CASKIN2: variants seen among roughly 807,000 people sequenced by gnomAD.
CASKIN2 encodes the protein caskin-2.
In CASKIN2, 41 loss-of-function variants were observed where a neutral mutation model predicts 107.1. That is an observed-to-expected ratio of 0.38 (90% CI 0.30 to 0.50). CASKIN2 has a LOEUF of 0.50. Among genes scored for constraint, CASKIN2 ranks in the 20% least tolerant of loss-of-function variants. CASKIN2 has a pLI of 0.92. For missense variants in CASKIN2, 1,546 were observed against 1,657.4 expected (o/e 0.93, Z 1.17); for synonymous variants, 724 against 705.6 (o/e 1.03, Z -0.41).
rs1479955415 is a variant in CASKIN2 at position 75,506,853 on chromosome 17, G to A, written c.432C>T (p.Val144=). The A allele has an allele frequency of 6.2e-7, 1 of 1,612,562 alleles. No individual in the cohort carries two copies. The highest frequency in any genetic ancestry group is 8.5e-7 in the Non-Finnish European group (1 of 1,179,604). Residue 144 remains valine (V), a synonymous_variant, in exon 6 of 20, where the codon GTC becomes GTT. Coordinates refer to ENST00000321617, the MANE Select transcript of CASKIN2 (RefSeq NM_020753.5). This position sits in a 1 kb window ranked among gnomAD's most constrained non-coding sequence, Gnocchi z 4.8. The part of the protein sequence containing the change: ...LLQHQSNPCL[V]NKAKKTPLDL... ...CCAGGGGCGTCTTCTTGGCCTTGTT[G>A]ACCAGGCATGGGTTGGACTGATGCT...
chr17:75,505,138 C>T lies in CASKIN2; in HGVS notation c.931-65G>A, dbSNP rs535452427. 1.9e-6 allele frequency: 3 copies of T among 1,563,576 alleles called. No homozygotes were observed. The highest frequency in any genetic ancestry group is 4.5e-5 in the East Asian group (2 of 44,528). ...CACCAGGCAAGTGGCAAACGGTTGT[C>T]CCTGCAGCTGCGGTCCGGCAACCCT... is the stretch of plus-strand genomic sequence containing the variant. On this transcript the variant is annotated intron_variant, in intron 10 of 19. Transcript: ENST00000321617. This position sits in a 1 kb window ranked among gnomAD's most constrained non-coding sequence, Gnocchi z 5.1.
At chr17:75,510,462 G>C (rs1249895555) in intron 2 of CASKIN2, among the ~76,000 whole-genome samples, 1 of 152,188 alleles carries the variant, frequency 6.6e-6, no homozygotes, top group Non-Finnish European at 1.5e-5. Context: ...TATGGAGCAA[G>C]AGTCCCCAGC....
chr17:75,501,921 G>T lies in CASKIN2; in HGVS notation c.3153C>A (p.Thr1051=), dbSNP rs369001779. The T allele has an allele frequency of 1.9e-6, 3 of 1,587,066 alleles. No individual in the cohort carries two copies. Among genetic ancestry groups the T allele is most frequent in the African/African-American group, 2.7e-5 (2 of 74,618 alleles). The part of the protein sequence containing the change: ...PSSLPAQGVP[T]PLAPSPAMQP... ...GCATGGCGGGGCTGGGAGCAAGGGG[G>T]GTTGGAACTCCTTGGGCTGGAAGGC... The change falls in exon 18 of 20, where the codon ACC becomes ACA. Residue 1051 remains threonine (T), a synonymous_variant. Coordinates refer to ENST00000321617, the MANE Select transcript of CASKIN2 (RefSeq NM_020753.5).
Position 75,502,828 on chromosome 17 carries a change from T to C in CASKIN2, c.2246A>G (p.Gln749Arg). 6.4e-7 allele frequency: 1 copy of C among 1,552,948 alleles called. No individual in the cohort carries two copies. Residue 749 changes from glutamine (Q) to arginine (R), a missense_variant, in exon 18 of 20, where the codon CAA becomes CGA. Around this residue, in one of 6 missense-constraint regions of CASKIN2, gnomAD observed 1,311 missense variants for 1,311.0 expected, o/e 1.00. Coordinates refer to ENST00000321617, the MANE Select transcript of CASKIN2 (RefSeq NM_020753.5). This position sits in a 1 kb window ranked among gnomAD's most constrained non-coding sequence, Gnocchi z 4.3. ...CATAAAAACATAGGGTGGGGGTCCT[T>C]GGCCAGGAAGTGAAGAACAAAGCTT... ...PPKLCSSLPGQGPPPYVFMYP... is the reference protein window; with the variant it reads ...PPKLCSSLPGRGPPPYVFMYP...
At chr17:75,501,207 T>G in intron 19 of CASKIN2, 37 bp from the exon 20 acceptor site, 1 of 1,531,148 alleles carries the variant, frequency 6.5e-7, no homozygotes, top group East Asian at 2.4e-5. Flanking sequence ...GATCAGCCAG[T>G]GGCCTGCACC....
At chr17:75,514,990 T>C (rs2053345038) in intron 1 of CASKIN2, among the ~76,000 whole-genome samples, 1 of 151,968 alleles carries the variant, frequency 6.6e-6, no homozygotes, top group South Asian at 2.1e-4. Context: ...GCCAGAGTCT[T>C]GTGGCATGAG....
At position 75,502,627 on chromosome 17, in the gene CASKIN2, T is replaced by C; in HGVS notation, c.2447A>G (p.Glu816Gly). 6.2e-7 allele frequency: 1 copy of C among 1,605,184 alleles called. No individual in the cohort carries two copies. The change falls in exon 18 of 20, where the codon GAA (glutamate) becomes GGA (glycine). Residue 816 changes from glutamate (E) to glycine (G), a missense_variant. Transcript: ENST00000321617. The surrounding 1 kb of genome is among the most constrained non-coding windows in gnomAD (Gnocchi z 4.3). ...PTEGDAEGEA[E>G]GPVGSTLGSY... ...GCCTAGGGTGCTGCCCACTGGCCCT[T>C]CGGCCTCCCCCTCAGCATCCCCCTC...
chr17:75,514,221 C>CG lies in CASKIN2; in HGVS notation c.-404-14dup, dbSNP rs1160784532. On this transcript the variant is annotated splice_polypyrimidine_tract_variant and intron_variant, in intron 1 of 19. Coordinates refer to ENST00000321617, the MANE Select transcript of CASKIN2 (RefSeq NM_020753.5). ...TGGTCTCAGGGCTCTGGAAAAAGCA[C>CG]GGGGCCTCTGTCGAATGCTGGGCCA... 1 of 448,574 alleles carries CG rather than the reference C, an allele frequency of 2.2e-6. No homozygotes were observed. The highest frequency in any genetic ancestry group is 3.9e-6 in the Non-Finnish European group (1 of 255,790). The allele number at this position is 448,574 out of a possible 1,614,324, so 27.8% of individuals were successfully genotyped here.
chr17:75,502,275 C>T lies in CASKIN2; in HGVS notation c.2799G>A (p.Glu933=), dbSNP rs1404738192. 1 of 1,518,878 alleles carries T rather than the reference C, an allele frequency of 6.6e-7. No homozygotes were observed. The highest frequency in any genetic ancestry group is 8.8e-7 in the Non-Finnish European group (1 of 1,137,236). The allele number at this position is 1,518,878 out of a possible 1,614,324, so 94.1% of individuals were successfully genotyped here. ...ATGGGGGCGTCCCCTCAGGGCCTGG[C>T]TCCTCCTCCTCCGTGTCTGACGCGG... ...AGPASDTEEE[E]PGPEGTPPSR... The change falls in exon 18 of 20, where the codon GAG becomes GAA. Residue 933 remains glutamate, a synonymous_variant. Coordinates refer to ENST00000321617, the MANE Select transcript of CASKIN2 (RefSeq NM_020753.5). This position sits in a 1 kb window ranked among gnomAD's most constrained non-coding sequence, Gnocchi z 4.3.
rs745707172 is a variant in CASKIN2 at position 75,507,145 on chromosome 17, G to C, written c.245-16C>G. 6.2e-6 allele frequency: 10 copies of C among 1,600,546 alleles called. No individual in the cohort carries two copies. The highest frequency in any genetic ancestry group is 4.5e-5 in the East Asian group (2 of 44,678). On this transcript the variant is annotated splice_polypyrimidine_tract_variant and intron_variant, in intron 4 of 19. Coordinates refer to ENST00000321617, the MANE Select transcript of CASKIN2 (RefSeq NM_020753.5). ...GGGCGCATGCCTGGCAGGAGGAAAG[G>C]GTTTCTGAGGGAGGTCCTGGGACGG...
At position 75,513,812 on chromosome 17, in the gene CASKIN2, C is replaced by T; in HGVS notation, c.-8G>A. On this transcript the variant is annotated 5_prime_UTR_variant, in exon 2 of 20. Coordinates refer to ENST00000321617, the MANE Select transcript of CASKIN2 (RefSeq NM_020753.5). Reference sequence around the variant, plus strand: ...GTCCTGTTCACGACCCATACTGGCTCCTGGGCTGAGCTCTACACTCAGGAG... The same window carrying T: ...GTCCTGTTCACGACCCATACTGGCTTCTGGGCTGAGCTCTACACTCAGGAG... 1 of 1,612,400 alleles carries T rather than the reference C, an allele frequency of 6.2e-7. No homozygotes were observed. Among genetic ancestry groups the T allele is most frequent in the Non-Finnish European group, 8.5e-7 (1 of 1,179,588 alleles).
At chr17:75,509,937 G>A (rs1032508274) in intron 2 of CASKIN2, 7 of 985,516 alleles carry the variant, frequency 7.1e-6, no homozygotes, top group East Asian at 1.1e-4. Flanking sequence ...GGGTGGCTCC[G>A]TTCTTTTCAG....
Position 75,513,826 on chromosome 17 carries a change from T to G in CASKIN2, c.-22A>C. On this transcript the variant is annotated 5_prime_UTR_variant, in exon 2 of 20. Transcript: ENST00000321617. ...CCATACTGGCTCCTGGGCTGAGCTC[T>G]ACACTCAGGAGTCCAGGGCAAAGGC... is the stretch of plus-strand genomic sequence containing the variant. 1.2e-6 allele frequency: 2 copies of G among 1,609,690 alleles called. No homozygotes were observed. Among genetic ancestry groups the G allele is most frequent in the Non-Finnish European group, 1.7e-6 (2 of 1,177,152 alleles).
intron 16 of CASKIN2, 66 bp from the exon 17 acceptor site, chr17:75,503,593 C>T: frequency 1.2e-6 from 2 of 1,603,552 alleles, no homozygotes; most frequent in Non-Finnish European, 1.7e-6. Context: ...GGAGAAAAGG[C>T]ACCGCAAAGC....
intron 2 of CASKIN2, 94 bp from the exon 3 acceptor site, chr17:75,508,379 G>T (rs2053287911): frequency 1.4e-6 from 2 of 1,412,132 alleles, no homozygotes; most frequent in African/African-American, 1.4e-5. Context: ...TGACCTCTTG[G>T]CGTGCAGGAA....
rs1368387639 is a variant in CASKIN2 at position 75,504,297 on chromosome 17, C to A, written c.1385G>T (p.Ser462Ile). The A allele has an allele frequency of 1.9e-6, 3 of 1,607,632 alleles. No individual in the cohort carries two copies. The African/African-American group carries it at 4.0e-5, about 21-fold the overall frequency. ...LHPPSLADNLSHRPLANCRSG... is the reference protein window; with the variant it reads ...LHPPSLADNLIHRPLANCRSG... The stretch of plus-strand genomic sequence containing the variant: ...GCGGCAGTTGGCCAGAGGGCGGTGG[C>A]TCAGGTTGTCTTCAAGGAGAGAGAA... Residue 462 changes from serine to isoleucine, a missense_variant, in exon 14 of 20, where the codon AGC becomes ATC. This residue lies in a region of CASKIN2 where 1,311 missense variants were observed against 1,311.0 expected (regional missense o/e 1.00). Transcript: ENST00000321617.
In CASKIN2 at chr17:75,505,812, C is replaced by T. The variant is rs367550650; in HGVS notation, c.835+9G>A. ...GCCCCCTGGGCAGGGTATCCTCCCC[C>T]GCACTCACCCCGCAGTAGCTGCTTG... is the stretch of plus-strand genomic sequence containing the variant. On this transcript the variant is annotated intron_variant, in intron 9 of 19. Coordinates refer to ENST00000321617, the MANE Select transcript of CASKIN2 (RefSeq NM_020753.5). This position sits in a 1 kb window ranked among gnomAD's most constrained non-coding sequence, Gnocchi z 5.1. 5.0e-4 allele frequency: 808 copies of T among 1,609,930 alleles called. 1 individual carries two copies. Among genetic ancestry groups the T allele is most frequent in the Non-Finnish European group, 6.6e-4 (773 of 1,177,576 alleles).
chr17:75,501,987 C>T lies in CASKIN2; in HGVS notation c.3087G>A (p.Glu1029=), dbSNP rs1187116518. The T allele has an allele frequency of 2.5e-6, 4 of 1,611,858 alleles. No homozygotes were observed. The African/African-American group carries it at 5.3e-5, about 22-fold the overall frequency. The part of the protein sequence containing the change: ...AAPLPSPTPG[E]SPPASSLPQP... ...GGGGAAGGCTAGAAGCTGGAGGAGACTCGCCAGGAGTTGGGGAAGGCAGTG... is the reference window on the plus strand; with the variant it reads ...GGGGAAGGCTAGAAGCTGGAGGAGATTCGCCAGGAGTTGGGGAAGGCAGTG... The change falls in exon 18 of 20, where the codon GAG becomes GAA. Residue 1029 remains glutamate (E), a synonymous_variant. Transcript: ENST00000321617.
In CASKIN2 at chr17:75,506,177, C is replaced by A; in HGVS notation, c.726+128G>T. On this transcript the variant is annotated intron_variant, in intron 8 of 19. Transcript: ENST00000321617. This position sits in a 1 kb window ranked among gnomAD's most constrained non-coding sequence, Gnocchi z 4.8. ...GCCTCGGCACCATTCAGAAGGAAGT[C>A]AGGCCTCTTTCCTGACGCCCATGCA... 1.2e-6 allele frequency: 1 copy of A among 828,448 alleles called. No homozygotes were observed. Among genetic ancestry groups the A allele is most frequent in the Admixed American group, 2.5e-5 (1 of 40,522 alleles). The allele number at this position is 828,448 out of a possible 1,614,324, so 51.3% of individuals were successfully genotyped here.
Sources: gnomAD v4.1 joint callset for allele counts (sites outside exome capture counted in the v4.1 genomes callset) on GRCh38, gnomAD v4.1.1 for gene constraint, gnomAD v4.1.1 regional missense constraint, Gnocchi (gnomAD v3.1) non-coding constraint, MANE v1.5 for transcripts, NCBI Gene and HGNC (gene_info 2026-07-23, HGNC 2026-07-21) for gene names.